PWP1: variants seen among roughly 807,000 people sequenced by gnomAD.
The protein encoded by PWP1 is PWP1 homolog, endonuclein, also known as periodic tryptophan protein 1 homolog.
A neutral mutation model predicts 69.9 loss-of-function variants in PWP1; 47 were observed. That is an observed-to-expected ratio of 0.67 (90% CI 0.53 to 0.86). The LOEUF is 0.86. Among genes scored for constraint, PWP1 ranks in the 40% least tolerant of loss-of-function variants. PWP1 has a pLI of 0.00. For missense variants in PWP1, 551 were observed against 608.8 expected, an observed-to-expected ratio of 0.91 and a Z score of 1.00; for synonymous variants, 222 against 208.2, an observed-to-expected ratio of 1.07 and a Z score of -0.57.
intron 14 of PWP1, among the ~76,000 whole-genome samples, chr12:107,710,932 C>G (rs577650439): frequency 1.4e-5 from 2 of 147,256 alleles, no homozygotes; most frequent in African/African-American, 5.0e-5. Context: ...GAGACCAGCT[C>G]GGTTGGGGAG....
Position 107,712,115 on chromosome 12 carries a change from T to C in PWP1, c.1401T>C (p.Asn467=), listed in dbSNP as rs147705027. Residue 467 remains asparagine (N), a synonymous_variant, in exon 15 of 15, where the codon AAT becomes AAC. Coordinates refer to ENST00000412830, the MANE Select transcript of PWP1 (RefSeq NM_007062.3). ...ACCTGTTTATTTGTATTTTAGTAAATGAAGCATTTGGAAGACGAGAGAGGC... is the reference window on the plus strand; with the variant it reads ...ACCTGTTTATTTGTATTTTAGTAAACGAAGCATTTGGAAGACGAGAGAGGC... ...VWDISTVSSV[N]EAFGRRERLV... is the part of the protein sequence containing the mutation. 1.2e-6 allele frequency: 2 copies of C among 1,612,932 alleles called. No individual in the cohort carries two copies. Among genetic ancestry groups the C allele is most frequent in the East Asian group, 2.2e-5 (1 of 44,886 alleles).
At chr12:107,705,852 T>G (rs950695987) in intron 11 of PWP1, among the ~76,000 whole-genome samples, 1 of 103,128 alleles carries the variant, frequency 9.7e-6, no homozygotes, top group Non-Finnish European at 2.3e-5. Context: ...TGTGCACATA[T>G]GCACATACGT....
chr12:107,698,990 G>A (rs920558335), intron 7 of PWP1, among the ~76,000 whole-genome samples: 1 of 152,158 alleles, frequency 6.6e-6, no homozygotes, highest in African/African-American at 2.4e-5. Context: ...TAGGTCGGGT[G>A]CAGTAGCTCA....
At chr12:107,686,919 T>TCC (rs1889377795) in intron 1 of PWP1, among the ~76,000 whole-genome samples, 2 of 131,966 alleles carry the variant, frequency 1.5e-5, no homozygotes, top group Non-Finnish European at 3.1e-5. Flanking sequence ...TGAGCCGAGA[T>TCC]CGCACAGCTG....
chr12:107,697,002 T>C (rs1041857048), intron 6 of PWP1, among the ~76,000 whole-genome samples: 3 of 152,264 alleles, frequency 2.0e-5, no homozygotes, highest in Non-Finnish European at 4.4e-5. Flanking sequence ...TGTTAGTCTT[T>C]GTAACCACAT....
At chr12:107,711,223 C>G (rs548380081) in intron 14 of PWP1, among the ~76,000 whole-genome samples, 2 of 152,166 alleles carry the variant, frequency 1.3e-5, no homozygotes, top group Non-Finnish European at 2.9e-5. Flanking sequence ...AGATCGAGAT[C>G]GCTCATGCTA....
intron 5 of PWP1, among the ~76,000 whole-genome samples, chr12:107,694,778 A>C (rs556624923): frequency 6.6e-6 from 1 of 152,308 alleles, no homozygotes; most frequent in Non-Finnish European, 1.5e-5. Context: ...GGAGCTGAGA[A>C]AGAAGTTAAA....
At chr12:107,709,594 GT>G (rs1889903383) in intron 13 of PWP1, among the ~76,000 whole-genome samples, 1 of 150,976 alleles carries the variant, frequency 6.6e-6, no homozygotes, top group African/African-American at 2.4e-5. Context: ...ATTAGGGTCA[GT>G]TTATGTATCT....
At position 107,688,456 on chromosome 12, in the gene PWP1, G is replaced by A; in HGVS notation, c.81G>A (p.Leu27=). 10 of 1,613,878 alleles carry A rather than the reference G, an allele frequency of 6.2e-6. No individual in the cohort carries two copies. Among genetic ancestry groups the A allele is most frequent in the South Asian group, 1.1e-5 (1 of 91,020 alleles). ...TCTTTGCTCTCTTACAGGTAGAGCT[G>A]AGTAAAGAAGAAGTAAAACGCCTCA... ...VAKETPDKVE[L]SKEEVKRLIA... Residue 27 remains leucine, a synonymous_variant, in exon 2 of 15, where the codon CTG becomes CTA. Transcript: ENST00000412830.
intron 1 of PWP1, among the ~76,000 whole-genome samples, chr12:107,688,143 A>G (rs938540251): frequency 4.0e-5 from 6 of 151,090 alleles, no homozygotes; most frequent in Non-Finnish European, 8.8e-5. Context: ...AGAGTCAGAG[A>G]TGGTTGGAAG....
intron 7 of PWP1, 122 bp from the exon 8 acceptor site, chr12:107,699,250 CT>C (rs1325923231): frequency 5.3e-6 from 4 of 750,254 alleles, no homozygotes; most frequent in African/African-American, 1.8e-5. Context: ...CAGACAAAGA[CT>C]CCGTCTCAAA....
chr12:107,688,527 A>G, intron 2 of PWP1, 21 bp downstream of exon 2: 3 of 1,612,700 alleles, frequency 1.9e-6, no homozygotes, highest in Non-Finnish European at 2.5e-6. Context: ...GACCAGATGA[A>G]ATCTATATCT....
chr12:107,704,448 A>G (rs1340578722), intron 10 of PWP1, among the ~76,000 whole-genome samples, 188 bp from the exon 11 acceptor site: 1 of 152,224 alleles, frequency 6.6e-6, no homozygotes, highest in Non-Finnish European at 1.5e-5. Flanking sequence ...CAGTGCCTTC[A>G]AGTGTTAAGA....
At position 107,704,723 on chromosome 12, in the gene PWP1, T is replaced by C. The variant is rs748037554; in HGVS notation, c.1053T>C (p.Asn351=). 35 of 1,613,766 alleles carry C rather than the reference T, an allele frequency of 2.2e-5. No homozygotes were observed. Among genetic ancestry groups the C allele is most frequent in the Non-Finnish European group, 2.9e-5 (34 of 1,179,836 alleles). Reference sequence around the variant, plus strand: ...GGCAGATAGAGAGAGTGACTTGGAATCACTTTTCACCTTGTCATTTCTTGG... The same window carrying C: ...GGCAGATAGAGAGAGTGACTTGGAACCACTTTTCACCTTGTCATTTCTTGG... ...FSGQIERVTW[N]HFSPCHFLAS... The change falls in exon 11 of 15, where the codon AAT becomes AAC. Residue 351 remains asparagine (N), a synonymous_variant. Transcript: ENST00000412830.
Position 107,704,680 on chromosome 12 carries a change from G to A in PWP1, c.1010G>A (p.Arg337Gln), listed in dbSNP as rs765660170. The A allele has an allele frequency of 8.1e-6, 13 of 1,613,874 alleles. No individual in the cohort carries two copies. Among genetic ancestry groups the A allele is most frequent in the Non-Finnish European group, 1.1e-5 (13 of 1,179,942 alleles). ...YDCRSPDESHRMWRFSGQIER... is the reference protein window; with the variant it reads ...YDCRSPDESHQMWRFSGQIER... The stretch of plus-strand genomic sequence containing the variant: ...TGCCGAAGTCCAGATGAAAGCCATC[G>A]AATGTGGCGATTCAGTGGGCAGATA... The change falls in exon 11 of 15, where the codon CGA (arginine) becomes CAA (glutamine). Residue 337 changes from arginine (R) to glutamine (Q), a missense_variant. Coordinates refer to ENST00000412830, the MANE Select transcript of PWP1 (RefSeq NM_007062.3).
chr12:107,695,244 C>T (rs142823124), intron 5 of PWP1, among the ~76,000 whole-genome samples: 3,921 of 151,198 alleles, frequency 0.026, 87 homozygotes, highest in Non-Finnish European at 0.037. Flanking sequence ...CCAGCCTGGG[C>T]GACAGAGCAA....
At chr12:107,688,080 G>A (rs1889407598) in intron 1 of PWP1, among the ~76,000 whole-genome samples, 2 of 145,312 alleles carry the variant, frequency 1.4e-5, no homozygotes, top group Non-Finnish European at 3.0e-5. Context: ...ACTCATGTAA[G>A]GGTGATTTGT....
intron 1 of PWP1, 84 bp downstream of exon 1, chr12:107,686,055 A>C (rs1889357098): frequency 6.7e-7 from 1 of 1,483,842 alleles, no homozygotes; most frequent in African/African-American, 1.4e-5. Context: ...GTGGACCCGG[A>C]ACTCGGGGCG....
In PWP1 at chr12:107,686,333, T is replaced by C. The variant is rs1446391750; in HGVS notation, c.72+362T>C. 1.9e-4 allele frequency among the ~76,000 whole-genome samples: 29 copies of C among 152,350 alleles called. 1 individual carries two copies. The highest frequency in any genetic ancestry group is 1.5e-5 in the Non-Finnish European group (1 of 68,036). ...AGCTTCACTAGCACCCAAGTGCATT[T>C]TCAAGCATAACTGGGAAGAGAGCAT... On this transcript the variant is annotated intron_variant, in intron 1 of 14. Transcript: ENST00000412830.
Sources: allele counts gnomAD v4.1 joint callset (sites outside exome capture counted in the v4.1 genomes callset), GRCh38; gene constraint gnomAD v4.1.1; transcripts MANE v1.5; gene names NCBI Gene and HGNC (gene_info 2026-07-23, HGNC 2026-07-21).